The following GRB14 variants were observed in gnomAD, a reference collection of about 807,000 sequenced individuals.
The protein encoded by GRB14 is growth factor receptor-bound protein 14.
A neutral mutation model predicts 69.1 loss-of-function variants in GRB14; 38 were observed. The ratio of observed to expected loss-of-function variants is 0.55; its 90% CI spans 0.42 to 0.72. The LOEUF (loss-of-function observed/expected upper bound fraction) is 0.72. Ranked by LOEUF, GRB14 falls within the 30% of genes least tolerant of loss-of-function variation. GRB14 has a pLI of 0.00. For synonymous variants in GRB14, 247 were observed against 241.3 expected (o/e 1.02, Z -0.22); for missense variants, 666 against 666.1 (o/e 1.00, Z 0.00).
chr2:164,547,827 A>T lies in GRB14; in HGVS notation c.325-11T>A. On this transcript the variant is annotated splice_polypyrimidine_tract_variant and intron_variant, in intron 2 of 13. Transcript: ENST00000263915. Reference sequence around the variant, plus strand: ...GTATACTTTAATCACCTGTGTAGGTAGAAACAAGAAAAAGACCTAAAATAT... The same window carrying T: ...GTATACTTTAATCACCTGTGTAGGTTGAAACAAGAAAAAGACCTAAAATAT... 1.3e-6 allele frequency: 2 copies of T among 1,579,176 alleles called. No homozygotes were observed. The highest frequency in any genetic ancestry group is 1.7e-6 in the Non-Finnish European group (2 of 1,160,140).
At chr2:164,518,101 G>A (rs555513959) in intron 6 of GRB14, among the ~76,000 whole-genome samples, 1 of 152,150 alleles carries the variant, frequency 6.6e-6, no homozygotes, top group African/African-American at 2.4e-5. Context: ...ATTCTCCAAG[G>A]TAGACCATAT....
intron 2 of GRB14, among the ~76,000 whole-genome samples, chr2:164,565,214 A>C (rs1688939347): frequency 6.6e-6 from 1 of 152,162 alleles, no homozygotes; most frequent in East Asian, 1.9e-4. Context: ...GGACCTTAAA[A>C]TGTTTTCTTT....
Position 164,525,093 on chromosome 2 carries a change from C to G in GRB14, c.604-15G>C. The G allele has an allele frequency of 6.7e-7, 1 of 1,482,700 alleles. No individual in the cohort carries two copies. Among genetic ancestry groups the G allele is most frequent in the Non-Finnish European group, 9.3e-7 (1 of 1,072,140 alleles). The allele number at this position is 1,482,700 out of a possible 1,614,324, so 91.8% of individuals were successfully genotyped here. On this transcript the variant is annotated splice_polypyrimidine_tract_variant and intron_variant, in intron 4 of 13. Coordinates refer to ENST00000263915, the MANE Select transcript of GRB14 (RefSeq NM_004490.3). ...GGAAAAAAATACTGTCAAAAAGACA[C>G]AGTTAAATTATCACAAAATTCATGC... is the stretch of plus-strand genomic sequence containing the variant.
At chr2:164,583,390 T>C (rs1689460057) in intron 2 of GRB14, among the ~76,000 whole-genome samples, 1 of 152,022 alleles carries the variant, frequency 6.6e-6, no homozygotes, top group South Asian at 2.1e-4. Flanking sequence ...GGTAGAACAG[T>C]GAAAAAAGTA....
At chr2:164,594,541 G>A (rs183794588) in intron 2 of GRB14, among the ~76,000 whole-genome samples, 2 of 152,234 alleles carry the variant, frequency 1.3e-5, no homozygotes, top group Admixed American at 1.3e-4. Flanking sequence ...GTCTTATAAA[G>A]TACAGAGGTT....
chr2:164,603,405 A>G (rs1574349291), intron 2 of GRB14, among the ~76,000 whole-genome samples: 1 of 152,116 alleles, frequency 6.6e-6, no homozygotes, highest in Non-Finnish European at 1.5e-5. Flanking sequence ...GGCTCACACC[A>G]GTAATCCTAG....
chr2:164,508,479 C>G lies in GRB14; in HGVS notation c.999G>C (p.Trp333Cys), dbSNP rs1687249462. Residue 333 changes from tryptophan to cysteine, a missense_variant, in exon 8 of 14, where the codon TGG becomes TGC. Trp to Cys is a radical substitution (Grantham distance 215, BLOSUM62 -2). Transcript: ENST00000263915. ...CAEEEQSRTCWVTAIRLLKYG... is the reference protein window; with the variant it reads ...CAEEEQSRTCCVTAIRLLKYG... ...CCTTAAGCAATCTAATCGCGGTCAC[C>G]CAGCACGTCCTACTCTGCTCTTCTT... The G allele has an allele frequency of 4.3e-6, 7 of 1,614,040 alleles. No homozygotes were observed. Among genetic ancestry groups the G allele is most frequent in the Non-Finnish European group, 5.1e-6 (6 of 1,179,974 alleles).
intron 2 of GRB14, among the ~76,000 whole-genome samples, chr2:164,553,693 G>A (rs186224534): frequency 3.2e-4 from 49 of 152,184 alleles, no homozygotes; most frequent in Admixed American, 1.2e-3. Flanking sequence ...GGGCCAGTGC[G>A]GTGGCTCACA....
chr2:164,592,091 C>T (rs1458254295), intron 2 of GRB14, among the ~76,000 whole-genome samples: 1 of 151,984 alleles, frequency 6.6e-6, no homozygotes, highest in African/African-American at 2.4e-5. Flanking sequence ...ATCTATTAAA[C>T]CTCTTTTTCT....
chr2:164,557,973 A>C (rs1377523390), intron 2 of GRB14, among the ~76,000 whole-genome samples: 1 of 152,118 alleles, frequency 6.6e-6, no homozygotes, highest in Non-Finnish European at 1.5e-5. Context: ...TAGTGGTCTC[A>C]CTACTGGAAA....
chr2:164,595,370 T>C (rs1027873505), intron 2 of GRB14, among the ~76,000 whole-genome samples: 1 of 152,184 alleles, frequency 6.6e-6, no homozygotes, highest in Non-Finnish European at 1.5e-5. Flanking sequence ...GGCACAGATG[T>C]TATACATGCT....
At chr2:164,610,858 G>A (rs1451075787) in intron 2 of GRB14, among the ~76,000 whole-genome samples, 2 of 128,996 alleles carry the variant, frequency 1.6e-5, no homozygotes, top group African/African-American at 5.8e-5. Context: ...TGAGAAATGT[G>A]ATGGGAAAAA....
At chr2:164,613,273 CT>C (rs1320778985) in intron 2 of GRB14, among the ~76,000 whole-genome samples, 2 of 151,976 alleles carry the variant, frequency 1.3e-5, no homozygotes, top group Non-Finnish European at 2.9e-5. Context: ...TGTTTGAGAT[CT>C]TTTTTTTCCC....
chr2:164,530,128 T>C (rs1687885425), intron 3 of GRB14, among the ~76,000 whole-genome samples: 1 of 152,108 alleles, frequency 6.6e-6, no homozygotes, highest in South Asian at 2.1e-4. Context: ...AGGAAAGGGG[T>C]TTATTTGGCT....
At chr2:164,536,369 T>A (rs1688080085) in intron 3 of GRB14, among the ~76,000 whole-genome samples, 1 of 152,234 alleles carries the variant, frequency 6.6e-6, no homozygotes, top group Non-Finnish European at 1.5e-5. Flanking sequence ...CAGAAAGATG[T>A]CTGAGCTAAG....
At chr2:164,571,116 C>T (rs1209594252) in intron 2 of GRB14, among the ~76,000 whole-genome samples, 2 of 152,184 alleles carry the variant, frequency 1.3e-5, no homozygotes, top group African/African-American at 4.8e-5. Context: ...TTTGCAGGTG[C>T]TCATATTGAC....
chr2:164,606,241 T>C (rs1396230276), intron 2 of GRB14, among the ~76,000 whole-genome samples: 1 of 152,018 alleles, frequency 6.6e-6, no homozygotes, highest in Non-Finnish European at 1.5e-5. Flanking sequence ...ATGGAGGAGG[T>C]CCATCATTCC....
At chr2:164,574,860 C>G (rs1181857882) in intron 2 of GRB14, among the ~76,000 whole-genome samples, 2 of 151,544 alleles carry the variant, frequency 1.3e-5, no homozygotes, top group African/African-American at 4.9e-5. Flanking sequence ...AGGAGGATTG[C>G]TTGAGCCCAG....
chr2:164,515,656 C>T (rs572433119), intron 6 of GRB14, among the ~76,000 whole-genome samples: 5 of 152,236 alleles, frequency 3.3e-5, no homozygotes, highest in Non-Finnish European at 7.4e-5. Context: ...AAACAAGTTA[C>T]TTCTTACCCC....
Sources: allele counts gnomAD v4.1 joint callset (sites outside exome capture counted in the v4.1 genomes callset), GRCh38; gene constraint gnomAD v4.1.1; transcripts MANE v1.5; gene names NCBI Gene and HGNC (gene_info 2026-07-23, HGNC 2026-07-21).